The following SPATA17 variants were observed in gnomAD, a reference collection of about 807,000 sequenced individuals.
SPATA17 encodes the protein spermatogenesis-associated protein 17.
A neutral mutation model predicts 62.2 loss-of-function variants in SPATA17; 53 were observed. The observed-to-expected ratio is 0.85, with a 90% CI of 0.68 to 1.07. The LOEUF is 1.07. Among genes scored for constraint, SPATA17 ranks in the 50% least tolerant of loss-of-function variants. The pLI, the probability that SPATA17 is intolerant of heterozygous loss-of-function variation, is 0.00. For synonymous variants in SPATA17, 146 were observed against 146.8 expected, an observed-to-expected ratio of 0.99 and a Z score of 0.04; for missense variants, 466 against 425.5, an observed-to-expected ratio of 1.10 and a Z score of -0.84.
intron 5 of SPATA17, among the ~76,000 whole-genome samples, chr1:217,715,238 A>G (rs533282077): frequency 6.6e-6 from 1 of 152,338 alleles, no homozygotes; most frequent in Non-Finnish European, 1.5e-5. Flanking sequence ...CACCGTATTA[A>G]CAGATGATAT....
At chr1:217,804,123 T>G (rs1674377603) in intron 9 of SPATA17, among the ~76,000 whole-genome samples, 1 of 152,076 alleles carries the variant, frequency 6.6e-6, no homozygotes, top group Non-Finnish European at 1.5e-5. Flanking sequence ...AGACTAAAGA[T>G]GGAAGCATCA....
chr1:217,764,226 T>A (rs920187687), intron 6 of SPATA17, among the ~76,000 whole-genome samples: 40 of 152,264 alleles, frequency 2.6e-4, no homozygotes, highest in Admixed American at 2.0e-4. Flanking sequence ...AAAAATCTCC[T>A]GTGCTCTGCC....
chr1:217,807,041 G>A (rs1674450879), intron 9 of SPATA17, among the ~76,000 whole-genome samples: 1 of 152,032 alleles, frequency 6.6e-6, no homozygotes, highest in South Asian at 2.1e-4. Context: ...AAAAAATTGT[G>A]TGACCCATAT....
chr1:217,692,693 T>C (rs1671367231), intron 5 of SPATA17, among the ~76,000 whole-genome samples: 1 of 120,576 alleles, frequency 8.3e-6, no homozygotes, highest in Non-Finnish European at 1.7e-5. Flanking sequence ...TGAGAGTTTT[T>C]AGCATGAAGG....
At chr1:217,696,970 A>G (rs1411146922) in intron 5 of SPATA17, among the ~76,000 whole-genome samples, 1 of 152,100 alleles carries the variant, frequency 6.6e-6, no homozygotes, top group Non-Finnish European at 1.5e-5. Context: ...TGACTTTGAA[A>G]TTTACTTGCA....
At chr1:217,751,640 T>C (rs1672908054) in intron 6 of SPATA17, among the ~76,000 whole-genome samples, 1 of 152,230 alleles carries the variant, frequency 6.6e-6, no homozygotes, top group Non-Finnish European at 1.5e-5. Flanking sequence ...TATTATCCAT[T>C]GTCAGTTCTC....
chr1:217,722,304 G>A (rs1672148127), intron 5 of SPATA17, among the ~76,000 whole-genome samples: 1 of 152,008 alleles, frequency 6.6e-6, no homozygotes, highest in Admixed American at 6.6e-5. Flanking sequence ...GCATGTTGAA[G>A]TAGTAATATT....
intron 5 of SPATA17, among the ~76,000 whole-genome samples, chr1:217,697,843 A>T (rs1671495447): frequency 6.6e-6 from 1 of 152,154 alleles, no homozygotes; most frequent in Admixed American, 6.5e-5. Flanking sequence ...GATATTCATG[A>T]CTTAAATCTT....
intron 9 of SPATA17, among the ~76,000 whole-genome samples, chr1:217,823,749 C>G (rs1247581035): frequency 6.6e-6 from 1 of 151,966 alleles, no homozygotes; most frequent in Non-Finnish European, 1.5e-5. Context: ...GTGTATCTCT[C>G]TCTTTAGATC....
intron 9 of SPATA17, among the ~76,000 whole-genome samples, chr1:217,847,937 T>C (rs145972693): frequency 3.3e-5 from 5 of 152,004 alleles, no homozygotes; most frequent in African/African-American, 1.2e-4. Flanking sequence ...GAGGCCGATG[T>C]GGGAGAATTG....
At chr1:217,678,205 C>CTATTTTTTTTTT (rs1670997146) in intron 4 of SPATA17, among the ~76,000 whole-genome samples, 2 of 107,552 alleles carry the variant, frequency 1.9e-5, no homozygotes, top group Non-Finnish European at 2.0e-5. Flanking sequence ...CTTTTCTTTT[C>CTATTTTTTTTTT]TTTTTTTTTT....
At chr1:217,854,867 G>T (rs926111282) in intron 9 of SPATA17, among the ~76,000 whole-genome samples, 4 of 152,004 alleles carry the variant, frequency 2.6e-5, no homozygotes, top group Admixed American at 2.0e-4. Context: ...GTTTCCCCAG[G>T]GCCACATCTG....
chr1:217,737,168 T>C (rs1436764919), intron 5 of SPATA17, among the ~76,000 whole-genome samples: 1 of 152,180 alleles, frequency 6.6e-6, no homozygotes, highest in Non-Finnish European at 1.5e-5. Context: ...TGTAGGAGTT[T>C]GGGCAGAGAT....
chr1:217,811,241 CCA>C (rs1674579137), intron 9 of SPATA17, among the ~76,000 whole-genome samples: 3 of 151,978 alleles, frequency 2.0e-5, no homozygotes, highest in Admixed American at 2.0e-4. Context: ...ACCATGCTGG[CCA>C]GGCTGGTCTC....
intron 9 of SPATA17, among the ~76,000 whole-genome samples, chr1:217,833,707 A>T (rs12746912): frequency 0.29 from 44,489 of 152,100 alleles, 7,737 homozygotes; most frequent in Non-Finnish European, 0.38. Context: ...AAATAATCTT[A>T]AAAATGTCAA....
chr1:217,795,465 G>A (rs374243974), intron 8 of SPATA17, among the ~76,000 whole-genome samples: 10 of 148,138 alleles, frequency 6.8e-5, no homozygotes, highest in African/African-American at 2.0e-4. Flanking sequence ...CGCCTCTGGC[G>A]TTCAATTGAT....
At chr1:217,731,015 T>C (rs932491313) in intron 5 of SPATA17, among the ~76,000 whole-genome samples, 2 of 152,146 alleles carry the variant, frequency 1.3e-5, no homozygotes, top group Non-Finnish European at 2.9e-5. Flanking sequence ...GCCTTCATCT[T>C]ATTTTATCTC....
chr1:217,635,877 G>A (rs1669925119), intron 1 of SPATA17, among the ~76,000 whole-genome samples: 1 of 151,550 alleles, frequency 6.6e-6, no homozygotes, highest in Admixed American at 6.6e-5. Flanking sequence ...GCTCAGGCTT[G>A]TAATCCCAGC....
At chr1:217,682,601 T>C (rs1671112698) in intron 4 of SPATA17, among the ~76,000 whole-genome samples, 1 of 152,160 alleles carries the variant, frequency 6.6e-6, no homozygotes, top group Non-Finnish European at 1.5e-5. Flanking sequence ...TGTATAATTA[T>C]AGGAAAATTG....
Sources: allele counts gnomAD v4.1 joint callset (sites outside exome capture counted in the v4.1 genomes callset), GRCh38; gene constraint gnomAD v4.1.1; transcripts MANE v1.5; gene names NCBI Gene and HGNC (gene_info 2026-07-23, HGNC 2026-07-21).